The following MAP4K4 variants were observed in gnomAD, a reference collection of about 807,000 sequenced individuals.
The protein encoded by MAP4K4 is HPK/GCK-like kinase HGK.
Under a neutral mutation model 189.6 loss-of-function variants are expected in MAP4K4, and 38 were observed. The ratio of observed to expected loss-of-function variants is 0.20; its 90% CI spans 0.15 to 0.26. The LOEUF (loss-of-function observed/expected upper bound fraction) is 0.26, where lower values mean the gene tolerates loss of function less well. Ranked by LOEUF, MAP4K4 falls within the 10% of genes least tolerant of loss-of-function variation. MAP4K4 has a pLI of 1.00. For missense variants in MAP4K4, 1,054 were observed against 1,726.9 expected, an observed-to-expected ratio of 0.61 and a Z score of 6.91; for synonymous variants, 610 against 624.3, an observed-to-expected ratio of 0.98 and a Z score of 0.34.
intron 2 of MAP4K4, among the ~76,000 whole-genome samples, chr2:101,770,452 A>G (rs1420991819): frequency 6.6e-6 from 1 of 151,662 alleles, no homozygotes; most frequent in Non-Finnish European, 1.5e-5. Flanking sequence ...AATTTTTTGT[A>G]TGTTAGTAGA....
At chr2:101,718,739 C>T (rs1171409589) in intron 2 of MAP4K4, among the ~76,000 whole-genome samples, 1 of 152,134 alleles carries the variant, frequency 6.6e-6, no homozygotes, top group Non-Finnish European at 1.5e-5. Flanking sequence ...CAGAGCCTCT[C>T]ATACTCTAAT....
At chr2:101,805,072 CAAAAAAAAAAA>C (rs36081384) in intron 3 of MAP4K4, among the ~76,000 whole-genome samples, 4 of 56,438 alleles carry the variant, frequency 7.1e-5, no homozygotes, top group Non-Finnish European at 1.5e-4. Flanking sequence ...GACTCCAGAT[CAAAAAAAAAAA>C]AAAAAAAAAA....
chr2:101,766,570 C>T (rs529007607), intron 2 of MAP4K4, among the ~76,000 whole-genome samples: 4 of 150,964 alleles, frequency 2.6e-5, no homozygotes, highest in Admixed American at 2.6e-4. Flanking sequence ...CCCTAAGCCA[C>T]CAATTTCCAG....
At position 101,760,501 on chromosome 2, in the gene MAP4K4, A is replaced by T. The variant is rs540993564; in HGVS notation, c.124-30219A>T. ...AGACTCCATCTCAAAAAAAAAAAAC[A>T]AAATATATATATATATATATATGTA... On this transcript the variant is annotated intron_variant, in intron 2 of 32. Coordinates refer to ENST00000324219, the Ensembl canonical transcript of MAP4K4. Among the ~76,000 whole-genome samples, 254 of 93,996 alleles carry T rather than the reference A, an allele frequency of 2.7e-3. 4 individuals are homozygous for T. In the East Asian group the frequency reaches 0.059, roughly 22 times the overall value. The allele number at this position is 93,996 out of a possible 152,430, so 61.7% of individuals were successfully genotyped here. A position where few individuals can be genotyped will look rare whatever the true frequency, so the allele number is the denominator to read the frequency against.
chr2:101,717,096 A>G (rs1358514679), intron 2 of MAP4K4, among the ~76,000 whole-genome samples: 1 of 152,146 alleles, frequency 6.6e-6, no homozygotes, highest in Non-Finnish European at 1.5e-5. Flanking sequence ...TAGGGTGACA[A>G]TAGCAAAATG....
At chr2:101,863,975 C>T (rs2097746453) in exon 17 of MAP4K4, 2 of 1,367,738 alleles carry the variant, frequency 1.5e-6, no homozygotes, top group South Asian at 2.3e-5. Flanking sequence ...AGTCAGAGCT[C>T]TGACTCTAAG....
intron 11 of MAP4K4, 65 bp downstream of exon 11, chr2:101,842,746 G>A: frequency 8.5e-7 from 1 of 1,169,966 alleles, no homozygotes; most frequent in Non-Finnish European, 1.2e-6. Flanking sequence ...GTTGTGCCAG[G>A]ACTGCAGAAG....
In MAP4K4 at chr2:101,866,601, T is replaced by G. The variant is rs755488052; in HGVS notation, c.2356+22T>G. The G allele has an allele frequency of 3.7e-6, 6 of 1,604,414 alleles. No individual in the cohort carries two copies. The Admixed American group carries it at 1.0e-4, about 27-fold the overall frequency. On this transcript the variant is annotated intron_variant, in intron 19 of 32. Transcript: ENST00000324219. ...AGATGTAAGCTGCCTTTCCTTTCCT[T>G]TTTCCCTGCTAATGTTTTGAGCTGT...
chr2:101,724,658 C>T (rs1046229913), intron 2 of MAP4K4, among the ~76,000 whole-genome samples: 2 of 152,176 alleles, frequency 1.3e-5, no homozygotes, highest in South Asian at 2.1e-4. Context: ...TCAGCTTTGC[C>T]TTTAGAACTT....
intron 5 of MAP4K4, among the ~76,000 whole-genome samples, chr2:101,825,724 G>A (rs1326074622): frequency 6.6e-6 from 1 of 152,172 alleles, no homozygotes; most frequent in Non-Finnish European, 1.5e-5. Flanking sequence ...GGAAATCAGA[G>A]TGGAAGGGAA....
At position 101,866,336 on chromosome 2, in the gene MAP4K4, A is replaced by G. The variant is rs1167312606; in HGVS notation, c.2205-92A>G. The G allele has an allele frequency of 9.7e-6, 12 of 1,238,714 alleles. No homozygotes were observed. The Admixed American group carries it at 2.2e-4, about 23-fold the overall frequency. 76.7% of individuals were successfully genotyped at this position (1,238,714 alleles called of 1,614,324 possible). The stretch of plus-strand genomic sequence containing the variant: ...TTTTTTGTCTCCCTACACTTTAAAG[A>G]CATTGGATGGGCACACCATGCACAT... On this transcript the variant is annotated intron_variant, in intron 18 of 32. Coordinates refer to ENST00000324219, the Ensembl canonical transcript of MAP4K4.
At chr2:101,738,612 A>G (rs2061424515) in intron 2 of MAP4K4, among the ~76,000 whole-genome samples, 1 of 152,158 alleles carries the variant, frequency 6.6e-6, no homozygotes, top group Non-Finnish European at 1.5e-5. Flanking sequence ...GATTTTTTAA[A>G]GACATCTTGC....
intron 3 of MAP4K4, among the ~76,000 whole-genome samples, chr2:101,794,585 G>A (rs1190147093): frequency 6.6e-6 from 1 of 152,122 alleles, no homozygotes; most frequent in African/African-American, 2.4e-5. Context: ...CTATCACCAT[G>A]ACACTTCACC....
exon 33 of MAP4K4, chr2:101,894,684 A>G (rs954563660): frequency 6.6e-6 from 1 of 152,336 alleles, no homozygotes; most frequent in Non-Finnish European, 1.5e-5. Flanking sequence ...AGTAAAAATG[A>G]CACCTATTTT....
At chr2:101,794,072 C>A (rs950422618) in intron 3 of MAP4K4, among the ~76,000 whole-genome samples, 1 of 152,070 alleles carries the variant, frequency 6.6e-6, no homozygotes, top group Non-Finnish European at 1.5e-5. Context: ...TTGAAAGGCT[C>A]TTTTTAGGGA....
At chr2:101,785,694 C>CTTTTCCTTTTTTGAGT (rs1558913566) in intron 2 of MAP4K4, among the ~76,000 whole-genome samples, 27 of 3,352 alleles carry the variant, frequency 8.1e-3, no homozygotes, top group South Asian at 0.013. Context: ...CTCTCTCTCT[C>CTTTTCCTTTTTTGAGT]TCTCTCTCTC....
intron 3 of MAP4K4, among the ~76,000 whole-genome samples, chr2:101,818,762 C>T (rs1261793142): frequency 6.6e-6 from 1 of 151,792 alleles, no homozygotes; most frequent in African/African-American, 2.4e-5. Flanking sequence ...CAACTAAAAA[C>T]TCATCTCCTA....
chr2:101,748,454 T>C (rs1221468005), intron 2 of MAP4K4, among the ~76,000 whole-genome samples: 1 of 152,190 alleles, frequency 6.6e-6, no homozygotes, highest in East Asian at 1.9e-4. Flanking sequence ...CATGCGTCCA[T>C]GTAATTTCTA....
intron 29 of MAP4K4, 107 bp downstream of exon 29, chr2:101,885,394 G>T (rs1003285644): frequency 9.3e-6 from 6 of 644,660 alleles, no homozygotes; most frequent in Non-Finnish European, 1.6e-5. Flanking sequence ...TAATATAAAA[G>T]CTATGTGCTA....
Sources: allele counts gnomAD v4.1 joint callset (sites outside exome capture counted in the v4.1 genomes callset), GRCh38; gene constraint gnomAD v4.1.1; transcripts MANE v1.5; gene names NCBI Gene and HGNC (gene_info 2026-07-23, HGNC 2026-07-21).